PRPF40B: variants seen among roughly 807,000 people sequenced by gnomAD.
PRPF40B encodes the protein pre-mRNA processing factor 40B, also known as pre-mRNA-processing factor 40 homolog B.
PRPF40B carries 56 observed loss-of-function variants against 124.5 expected under a neutral mutation model. That is an observed-to-expected ratio of 0.45 (90% confidence interval 0.36 to 0.56). The LOEUF is 0.56. PRPF40B is among the 20% of genes least tolerant of loss of function. The pLI, the probability that PRPF40B is intolerant of heterozygous loss-of-function variation, is 0.00. For synonymous variants in PRPF40B, 443 were observed against 426.4 expected (o/e 1.04, Z -0.48); for missense variants, 1,053 against 1,169.5 (o/e 0.90, Z 1.45).
Position 49,633,617 on chromosome 12 carries a change from G to A in PRPF40B, c.581-20G>A, listed in dbSNP as rs773786374. 1.2e-6 allele frequency: 2 copies of A among 1,614,240 alleles called. No individual in the cohort carries two copies. The highest frequency in any genetic ancestry group is 1.7e-6 in the Non-Finnish European group (2 of 1,180,040). The stretch of plus-strand genomic sequence containing the variant: ...CCCTATTGCCCCTGTGACTGACTGT[G>A]TTATCTTTTCCCATCACAGTTCTAG... On this transcript the variant is annotated intron_variant, in intron 8 of 25. Coordinates refer to ENST00000548825, the MANE Select transcript of PRPF40B (RefSeq NM_001031698.3).
chr12:49,632,281 T>C, intron 4 of PRPF40B: 1 of 574,890 alleles, frequency 1.7e-6, no homozygotes, highest in Admixed American at 3.1e-5. Context: ...TGTGCCTTCT[T>C]ATGCTATCGC....
rs751820331 is a variant in PRPF40B at position 49,635,875 on chromosome 12, C to A, written c.1308C>A (p.Ile436=). 1 of 1,614,064 alleles carries A rather than the reference C, an allele frequency of 6.2e-7. No homozygotes were observed. Among genetic ancestry groups the A allele is most frequent in the Non-Finnish European group, 8.5e-7 (1 of 1,179,986 alleles). Residue 436 remains isoleucine, a synonymous_variant, in exon 15 of 26, where the codon ATC becomes ATA. Transcript: ENST00000548825. The surrounding 1 kb of genome is among the most constrained non-coding windows in gnomAD (Gnocchi z 4.1). The part of the protein sequence containing the change: ...EQAKQLRRRN[I]QALKSILDGM... ...CCAAGCAGCTCCGGCGCCGCAATATCCAGGCCCTAAAGAGCATCCTGGATG... is the reference window on the plus strand; with the variant it reads ...CCAAGCAGCTCCGGCGCCGCAATATACAGGCCCTAAAGAGCATCCTGGATG...
In PRPF40B at chr12:49,631,446, C is replaced by T; in HGVS notation, c.130C>T (p.Pro44Ser). Residue 44 changes from proline to serine, a missense_variant, in exon 3 of 26, where the codon CCC (proline) becomes TCC (serine). By Grantham distance (74) the Pro-to-Ser change is moderately conservative. Transcript: ENST00000548825. The surrounding 1 kb of genome is among the most constrained non-coding windows in gnomAD (Gnocchi z 4.3). ...IPPPFPPMGLPPMSQRPPAIP... is the reference protein window; with the variant it reads ...IPPPFPPMGLSPMSQRPPAIP... ...CCCACCCTTTCCTCCGATGGGGCTACCCCCCATGAGTCAGAGACCACCAGC... is the reference window on the plus strand; with the variant it reads ...CCCACCCTTTCCTCCGATGGGGCTATCCCCCATGAGTCAGAGACCACCAGC... The T allele has an allele frequency of 7.2e-7, 1 of 1,385,324 alleles. No homozygotes were observed. The highest frequency in any genetic ancestry group is 9.7e-7 in the Non-Finnish European group (1 of 1,032,582). The allele number at this position is 1,385,324 out of a possible 1,614,324, so 85.8% of individuals were successfully genotyped here. A position where few individuals can be genotyped will look rare whatever the true frequency, so the allele number is the denominator to read the frequency against.
In PRPF40B at chr12:49,633,112, G is replaced by A. The variant is rs749011220; in HGVS notation, c.447G>A (p.Lys149=). The change falls in exon 7 of 26, where the codon AAG becomes AAA. Residue 149 remains lysine, a synonymous_variant. Transcript: ENST00000548825. ...QSVWEKPSVL[K]SKAELLLSQC... ...TGTGGGAGAAGCCCAGCGTGCTCAA[G>A]TCCAAGGCAGAGGTCCTGAGCTGGG... 3.8e-6 allele frequency: 6 copies of A among 1,594,808 alleles called. No homozygotes were observed. The Admixed American group carries it at 1.1e-4, about 28-fold the overall frequency.
chr12:49,637,793 A>C lies in PRPF40B; in HGVS notation c.1736A>C (p.Asp579Ala). The C allele has an allele frequency of 6.2e-7, 1 of 1,611,524 alleles. No individual in the cohort carries two copies. Among genetic ancestry groups the C allele is most frequent in the Non-Finnish European group, 8.5e-7 (1 of 1,178,102 alleles). The change falls in exon 18 of 26, where the codon GAT becomes GCT. Residue 579 changes from aspartate (D) to alanine (A), a missense_variant. Coordinates refer to ENST00000548825, the MANE Select transcript of PRPF40B (RefSeq NM_001031698.3). ...GAGGAGTTGAAGGCACGATTCCATG[A>C]TGAAAAGAAGATCATTAAGGACATC... Reference protein sequence around the residue: ...YVEELKARFHDEKKIIKDILK... With the variant: ...YVEELKARFHAEKKIIKDILK...
rs1199238352 is a variant in PRPF40B, at chr12:49,632,532, T to G, written c.295-64T>G. ...GCCTGGCCTGCTTCTCCATCCCCCA[T>G]GGCCTGGGTCCTGGGGGCCACTGGG... On this transcript the variant is annotated intron_variant, in intron 4 of 25. Coordinates refer to ENST00000548825, the MANE Select transcript of PRPF40B (RefSeq NM_001031698.3). The G allele has an allele frequency of 3.2e-6, 5 of 1,543,572 alleles. No individual in the cohort carries two copies. The East Asian group carries it at 1.1e-4, about 35-fold the overall frequency.
At chr12:49,643,579 T>G (rs1227834700) in intron 23 of PRPF40B, 112 bp from the exon 24 acceptor site, 1 of 1,386,898 alleles carries the variant, frequency 7.2e-7, no homozygotes, top group Non-Finnish European at 9.8e-7. Flanking sequence ...GGACTTAGAC[T>G]TCCTCAGAGC....
chr12:49,637,790 A>G lies in PRPF40B; in HGVS notation c.1733A>G (p.His578Arg), dbSNP rs1942055310. ...GTGGAGGAGTTGAAGGCACGATTCC[A>G]TGATGAAAAGAAGATCATTAAGGAC... Reference protein sequence around the residue: ...FYVEELKARFHDEKKIIKDIL... With the variant: ...FYVEELKARFRDEKKIIKDIL... Residue 578 changes from histidine to arginine, a missense_variant, in exon 18 of 26, where the codon CAT (histidine) becomes CGT (arginine). Physicochemically the swap from His to Arg is conservative, Grantham distance 29. Around this residue, in one of 2 missense-constraint regions of PRPF40B, gnomAD observed 895 missense variants for 1,052.2 expected, o/e 0.85. Transcript: ENST00000548825. 1 of 1,610,714 alleles carries G rather than the reference A, an allele frequency of 6.2e-7. No individual in the cohort carries two copies. The highest frequency in any genetic ancestry group is 1.1e-5 in the South Asian group (1 of 90,900).
chr12:49,623,711 G>C, intron 1 of PRPF40B, 118 bp downstream of exon 1: 4 of 1,218,856 alleles, frequency 3.3e-6, no homozygotes, highest in Non-Finnish European at 4.1e-6. Flanking sequence ...CCCGGGGAGG[G>C]CGAGGGAGGC....
intron 12 of PRPF40B, 180 bp from the exon 13 acceptor site, chr12:49,634,919 T>C: frequency 2.8e-6 from 2 of 702,092 alleles, no homozygotes; most frequent in Non-Finnish European, 4.6e-6. Flanking sequence ...GTCTTGGAGC[T>C]GCATCTCTTC....
Position 49,642,444 on chromosome 12 carries a change from C to T in PRPF40B, c.2022+72C>T. 3 of 1,582,378 alleles carry T rather than the reference C, an allele frequency of 1.9e-6. No individual in the cohort carries two copies. The highest frequency in any genetic ancestry group is 1.7e-6 in the Non-Finnish European group (2 of 1,153,954). ...GCGGTGCTTCACCACTGAGGGCCCA[C>T]CCCAGTCACGTCACAGCCCTGGGCC... On this transcript the variant is annotated intron_variant, in intron 20 of 25. Coordinates refer to ENST00000548825, the MANE Select transcript of PRPF40B (RefSeq NM_001031698.3). This position sits in a 1 kb window ranked among gnomAD's most constrained non-coding sequence, Gnocchi z 5.8.
In PRPF40B at chr12:49,635,350, T is replaced by C; in HGVS notation, c.1167-15T>C. ...TGTTCTCTGTCTACCTACTCACAGCTTATATGCTCCACAGGCGGGCAGAAC... is the reference window on the plus strand; with the variant it reads ...TGTTCTCTGTCTACCTACTCACAGCCTATATGCTCCACAGGCGGGCAGAAC... On this transcript the variant is annotated splice_polypyrimidine_tract_variant and intron_variant, in intron 13 of 25. Transcript: ENST00000548825. This position sits in a 1 kb window ranked among gnomAD's most constrained non-coding sequence, Gnocchi z 4.1. 6.2e-7 allele frequency: 1 copy of C among 1,612,164 alleles called. No homozygotes were observed. Among genetic ancestry groups the C allele is most frequent in the Non-Finnish European group, 8.5e-7 (1 of 1,179,184 alleles).
Position 49,642,341 on chromosome 12 carries a change from C to T in PRPF40B, c.1991C>T (p.Pro664Leu). 1 of 1,614,050 alleles carries T rather than the reference C, an allele frequency of 6.2e-7. No homozygotes were observed. Among genetic ancestry groups the T allele is most frequent in the Non-Finnish European group, 8.5e-7 (1 of 1,180,048 alleles). ...CGAAGCATGCTGAGGCAGGCTGTGC[C>T]TGCTCTGGAGCTAGGCACTGCCTGG... The part of the protein sequence containing the change: ...AFRSMLRQAV[P>L]ALELGTAWEE... Residue 664 changes from proline (P) to leucine (L), a missense_variant, in exon 20 of 26, where the codon CCT becomes CTT. Coordinates refer to ENST00000548825, the MANE Select transcript of PRPF40B (RefSeq NM_001031698.3). The surrounding 1 kb of genome is among the most constrained non-coding windows in gnomAD (Gnocchi z 5.8).
Position 49,631,856 on chromosome 12 carries a change from A to G in PRPF40B, c.229-4A>G, listed in dbSNP as rs201337152. On this transcript the variant is annotated splice_region_variant and splice_polypyrimidine_tract_variant and intron_variant, in intron 3 of 25. Coordinates refer to ENST00000548825, the MANE Select transcript of PRPF40B (RefSeq NM_001031698.3). This position sits in a 1 kb window ranked among gnomAD's most constrained non-coding sequence, Gnocchi z 4.3. ...GTTGGTTTCTGTCTTCTTTGTATCCATAGATACCAGGAATGGTACCTCCGA... is the reference window on the plus strand; with the variant it reads ...GTTGGTTTCTGTCTTCTTTGTATCCGTAGATACCAGGAATGGTACCTCCGA... The G allele has an allele frequency of 3.8e-5, 61 of 1,613,662 alleles. No homozygotes were observed. Among genetic ancestry groups the G allele is most frequent in the African/African-American group, 2.0e-4 (15 of 75,024 alleles).
chr12:49,627,362 G>A (rs918341874), intron 1 of PRPF40B, among the ~76,000 whole-genome samples: 5 of 152,154 alleles, frequency 3.3e-5, no homozygotes, highest in South Asian at 2.1e-4. Flanking sequence ...GATAATTGCC[G>A]AAGGAGAAGG....
In PRPF40B at chr12:49,631,906, C is replaced by T. The variant is rs767628408; in HGVS notation, c.275C>T (p.Ala92Val). 82 of 1,613,986 alleles carry T rather than the reference C, an allele frequency of 5.1e-5. No homozygotes were observed. The highest frequency in any genetic ancestry group is 6.3e-5 in the Non-Finnish European group (74 of 1,179,974). The change falls in exon 4 of 26, where the codon GCG (alanine) becomes GTG (valine). Residue 92 changes from alanine (A) to valine (V), a missense_variant. Physicochemically the swap from Ala to Val is moderately conservative, Grantham distance 64. Around this residue, in one of 2 missense-constraint regions of PRPF40B, gnomAD observed 895 missense variants for 1,052.2 expected, o/e 0.85. Coordinates refer to ENST00000548825, the MANE Select transcript of PRPF40B (RefSeq NM_001031698.3). This position sits in a 1 kb window ranked among gnomAD's most constrained non-coding sequence, Gnocchi z 4.3. ...ATGATGCCAGGAATGCTGATGCCAG[C>T]GGTGCCTGTCACCGCAGCGGTAAGC... ...PPMMPGMLMP[A>V]VPVTAATAPG...
At chr12:49,638,026 A>G (rs1942086156) in intron 18 of PRPF40B, 2 of 571,468 alleles carry the variant, frequency 3.5e-6, no homozygotes, top group South Asian at 2.2e-5. Flanking sequence ...ATAGGAAGAT[A>G]TACATGAGAA....
Position 49,635,955 on chromosome 12 carries a change from T to C in PRPF40B, c.1388T>C (p.Met463Thr), listed in dbSNP as rs769965596. Residue 463 changes from methionine to threonine, a missense_variant, in exon 15 of 26, where the codon ATG becomes ACG. This residue lies in a region of PRPF40B where 895 missense variants were observed against 1,052.2 expected (regional missense o/e 0.85). Coordinates refer to ENST00000548825, the MANE Select transcript of PRPF40B (RefSeq NM_001031698.3). This position sits in a 1 kb window ranked among gnomAD's most constrained non-coding sequence, Gnocchi z 4.1. ...TTWSQAQQYLMDNPSFAQDHQ... is the reference protein window; with the variant it reads ...TTWSQAQQYLTDNPSFAQDHQ... ...TGGTCCCAGGCCCAGCAGTACCTCA[T>C]GGATAACCCCAGCTTTGCTCAGGAC... is the stretch of plus-strand genomic sequence containing the variant. 1 of 1,614,158 alleles carries C rather than the reference T, an allele frequency of 6.2e-7. No individual in the cohort carries two copies. The highest frequency in any genetic ancestry group is 1.7e-5 in the Admixed American group (1 of 60,018).
At chr12:49,638,365 C>G (rs1250020215) in intron 18 of PRPF40B, 1 of 152,844 alleles carries the variant, frequency 6.5e-6, no homozygotes, top group African/African-American at 2.4e-5. Context: ...TCTAGCAGTA[C>G]TGAGCTGGAT....
Sources: allele counts gnomAD v4.1 joint callset (sites outside exome capture counted in the v4.1 genomes callset), GRCh38; gene constraint gnomAD v4.1.1; regional missense constraint gnomAD v4.1.1; non-coding constraint Gnocchi (gnomAD v3.1); transcripts MANE v1.5; gene names NCBI Gene and HGNC (gene_info 2026-07-23, HGNC 2026-07-21).